NRK: variants seen among roughly 807,000 people sequenced by gnomAD.
The protein encoded by NRK is nik-related protein kinase.
A neutral mutation model predicts 125.2 loss-of-function variants in NRK; 67 were observed. The observed-to-expected ratio is 0.54, with a 90% CI of 0.44 to 0.66. NRK has a LOEUF of 0.66. Among genes scored for constraint, NRK ranks in the 30% least tolerant of loss-of-function variants. The probability of loss-of-function intolerance (pLI) is 0.00; values close to 1 mark genes in which losing one functional copy is unlikely to be tolerated. For synonymous variants in NRK, 458 were observed against 429.0 expected, an observed-to-expected ratio of 1.07 and a Z score of -0.84; for missense variants, 1,224 against 1,192.9, an observed-to-expected ratio of 1.03 and a Z score of -0.38.
In NRK at chrX:105,844,035, G is replaced by GTGTC. The variant is rs1466435098; in HGVS notation, c.123+12919_123+12920insCTGT. Among the ~76,000 whole-genome samples the GTGTC allele has an allele frequency of 9.4e-4, 101 of 107,336 alleles. 2 individuals carry two copies. The highest frequency in any genetic ancestry group is 3.3e-3 in the African/African-American group (96 of 29,192). The allele number at this position is 107,336 out of a possible 115,157, so 93.2% of individuals were successfully genotyped here. ...TGTGTGTGTCTGTGTGTGTGTGTGT[G>GTGTC]TGTGTGTCTGTGTGTCTGTGTGTCT... On this transcript the variant is annotated intron_variant, in intron 2 of 28. Transcript: ENST00000243300.
At position 105,958,507 on chromosome X, in the gene NRK, A is replaced by G. The variant is rs1238017292; in HGVS notation, c.*2907A>G. On this transcript the variant is annotated 3_prime_UTR_variant, in exon 29 of 29. Transcript: ENST00000243300. ...TCCAAGAAATGTGCCTACTGAAATC[A>G]AATTAATTTGTATTCAATGTGTACT... is the stretch of plus-strand genomic sequence containing the variant. 8.9e-6 allele frequency: 1 copy of G among 112,296 alleles called. No individual in the cohort carries two copies. Among genetic ancestry groups the G allele is most frequent in the East Asian group, 2.8e-4 (1 of 3,582 alleles). 9.3% of individuals were successfully genotyped at this position (112,296 alleles called of 1,213,427 possible).
At chrX:105,838,031 A>C (rs2147648858) in intron 2 of NRK, among the ~76,000 whole-genome samples, 1 of 110,880 alleles carries the variant, frequency 9.0e-6, no homozygotes, top group Admixed American at 9.6e-5. Flanking sequence ...CAAATGTATT[A>C]GACTCTATAA....
chrX:105,841,151 A>C (rs1370162484), intron 2 of NRK, among the ~76,000 whole-genome samples: 1 of 111,362 alleles, frequency 9.0e-6, no homozygotes, highest in Non-Finnish European at 1.9e-5. Context: ...GGGTGGTGCC[A>C]AAATCGCACT....
rs188761647 is a variant in NRK at position 105,856,349 on chromosome X, C to A, written c.124-23850C>A. The stretch of plus-strand genomic sequence containing the variant: ...GCTCCTTGAATGTCATGAAAAATCT[C>A]ATTTTAGTTTATTATGTCATAGGGT... On this transcript the variant is annotated intron_variant, in intron 2 of 28. Coordinates refer to ENST00000243300, the MANE Select transcript of NRK (RefSeq NM_198465.4). 7.8e-3 allele frequency among the ~76,000 whole-genome samples: 876 copies of A among 111,864 alleles called. 9 individuals are homozygous for A. Among genetic ancestry groups the A allele is most frequent in the Non-Finnish European group, 0.012 (610 of 53,005 alleles).
rs922363175 is a variant in NRK, at chrX:105,906,009, C to A, written c.846-405C>A. Among the ~76,000 whole-genome samples, 4 of 111,827 alleles carry A rather than the reference C, an allele frequency of 3.6e-5. No homozygotes were observed. In the South Asian group the frequency reaches 1.5e-3, roughly 42 times the overall value. On this transcript the variant is annotated intron_variant, in intron 10 of 28. Transcript: ENST00000243300. ...CATCCTATTTTTGGATCATTATATT[C>A]ATTCCTCTGTAGTTAAAACTGCATA...
At chrX:105,903,166 T>C (rs1346137978) in intron 9 of NRK, among the ~76,000 whole-genome samples, 2 of 111,588 alleles carry the variant, frequency 1.8e-5, no homozygotes, top group South Asian at 3.9e-4. Flanking sequence ...GGATCAATAG[T>C]TAAGCCTGAC....
chrX:105,951,504 T>C (rs1602708958), intron 27 of NRK, among the ~76,000 whole-genome samples: 1 of 112,274 alleles, frequency 8.9e-6, no homozygotes, highest in Admixed American at 9.5e-5. Flanking sequence ...CTAAAGACTG[T>C]CATATAACAC....
intron 1 of NRK, among the ~76,000 whole-genome samples, chrX:105,826,303 A>AT (rs1247469192): frequency 4.6e-5 from 4 of 87,902 alleles, no homozygotes; most frequent in East Asian, 6.6e-4. Context: ...TCATATATAT[A>AT]ATAGATAATA....
intron 2 of NRK, among the ~76,000 whole-genome samples, chrX:105,859,351 A>G (rs2039572522): frequency 8.9e-6 from 1 of 111,863 alleles, no homozygotes; most frequent in Non-Finnish European, 1.9e-5. Flanking sequence ...TGAAAGAGAA[A>G]TAATAAGAGC....
At chrX:105,852,026 C>T (rs1422328119) in intron 2 of NRK, among the ~76,000 whole-genome samples, 1 of 111,928 alleles carries the variant, frequency 8.9e-6, no homozygotes, top group Non-Finnish European at 1.9e-5. Context: ...AGCAACTGTT[C>T]GAGTTTATTT....
chrX:105,909,734 G>C lies in NRK; in HGVS notation c.2093G>C (p.Arg698Thr). Residue 698 changes from arginine to threonine, a missense_variant, in exon 13 of 29, where the codon AGA becomes ACA. Coordinates refer to ENST00000243300, the MANE Select transcript of NRK (RefSeq NM_198465.4). ...VSTLRQALAK[R>T]LSPKRFRAKS... ...ACTCTGAGGCAAGCACTGGCAAAAAGACTATCACCAAAGAGGTTCAGGGCA... is the reference window on the plus strand; with the variant it reads ...ACTCTGAGGCAAGCACTGGCAAAAACACTATCACCAAAGAGGTTCAGGGCA... 1 of 1,183,550 alleles carries C rather than the reference G, an allele frequency of 8.4e-7. No individual in the cohort carries two copies. The highest frequency in any genetic ancestry group is 1.1e-6 in the Non-Finnish European group (1 of 880,804).
Position 105,915,734 on chromosome X carries a change from A to G in NRK, c.2354A>G (p.Gln785Arg). 8.8e-7 allele frequency: 1 copy of G among 1,130,054 alleles called. No individual in the cohort carries two copies. Among genetic ancestry groups the G allele is most frequent in the Non-Finnish European group, 1.2e-6 (1 of 824,113 alleles). 93.1% of individuals were successfully genotyped at this position (1,130,054 alleles called of 1,213,427 possible). Residue 785 changes from glutamine (Q) to arginine (R), a missense_variant, in exon 15 of 29, where the codon CAA becomes CGA. Gln to Arg is a conservative substitution (Grantham distance 43). Coordinates refer to ENST00000243300, the MANE Select transcript of NRK (RefSeq NM_198465.4). The part of the protein sequence containing the change: ...YISNPKKIEV[Q>R]ERSPSVPNNQ... Reference sequence around the variant, plus strand: ...GTATTGCATTGTGTCTTTAAGGTTCAAGAGAGATCTCCTTCTGTGCCTAAC... The same window carrying G: ...GTATTGCATTGTGTCTTTAAGGTTCGAGAGAGATCTCCTTCTGTGCCTAAC...
chrX:105,953,058 C>T lies in NRK; in HGVS notation c.4538C>T (p.Thr1513Ile), dbSNP rs2040921750. Residue 1513 changes from threonine (T) to isoleucine (I), a missense_variant, in exon 28 of 29, where the codon ACA (threonine) becomes ATA (isoleucine). Transcript: ENST00000243300. ...SIAFECTQRT[T>I]GWGQKAIEVR... ...GCTTTTGAATGTACACAGCGAACCACAGGATGGGGCCAAAAGGCCATTGAA... is the reference window on the plus strand; with the variant it reads ...GCTTTTGAATGTACACAGCGAACCATAGGATGGGGCCAAAAGGCCATTGAA... The T allele has an allele frequency of 8.4e-7, 1 of 1,187,302 alleles. No individual in the cohort carries two copies. Among genetic ancestry groups the T allele is most frequent in the African/African-American group, 1.8e-5 (1 of 56,862 alleles).
At chrX:105,830,052 G>A (rs930934690) in intron 1 of NRK, among the ~76,000 whole-genome samples, 1 of 109,449 alleles carries the variant, frequency 9.1e-6, no homozygotes, top group Non-Finnish European at 1.9e-5. Flanking sequence ...TCACTCAAAA[G>A]AATAACATCG....
intron 15 of NRK, 86 bp downstream of exon 15, chrX:105,915,883 G>A (rs1602668575): frequency 4.0e-6 from 2 of 500,444 alleles, no homozygotes; most frequent in East Asian, 7.7e-5. Context: ...TACACTTTGT[G>A]AAGTCAACTA....
chrX:105,863,007 G>A (rs1191179496), intron 2 of NRK, among the ~76,000 whole-genome samples: 1 of 111,869 alleles, frequency 8.9e-6, no homozygotes, highest in East Asian at 2.8e-4. Flanking sequence ...TTCTAGACAG[G>A]CCTGAGAGAA....
At position 105,953,071 on chromosome X, in the gene NRK, A is replaced by G. The variant is rs757874416; in HGVS notation, c.4551A>G (p.Gln1517=). 68 of 1,191,362 alleles carry G rather than the reference A, an allele frequency of 5.7e-5. No individual in the cohort carries two copies. Among genetic ancestry groups the G allele is most frequent in the Non-Finnish European group, 4.9e-5 (43 of 882,216 alleles). The change falls in exon 28 of 29, where the codon CAA becomes CAG. Residue 1517 remains glutamine, a synonymous_variant. Coordinates refer to ENST00000243300, the MANE Select transcript of NRK (RefSeq NM_198465.4). ...CACAGCGAACCACAGGATGGGGCCAAAAGGCCATTGAAGTGCGCTCTTTGC... is the reference window on the plus strand; with the variant it reads ...CACAGCGAACCACAGGATGGGGCCAGAAGGCCATTGAAGTGCGCTCTTTGC... ...ECTQRTTGWG[Q]KAIEVRSLQS...
At position 105,895,640 on chromosome X, in the gene NRK, T is replaced by G. The variant is rs1198711898; in HGVS notation, c.580+117T>G. 1.4e-5 allele frequency: 7 copies of G among 501,373 alleles called. No individual in the cohort carries two copies. In the Admixed American group the frequency reaches 2.3e-4, roughly 16 times the overall value. The allele number at this position is 501,373 out of a possible 1,213,427, so 41.3% of individuals were successfully genotyped here. ...ATATCCTCTACTTATTTGAGCTGGG[T>G]TTTCCCTGCCTGCAAAACCAGTCAA... On this transcript the variant is annotated intron_variant, in intron 7 of 28. Transcript: ENST00000243300.
In NRK at chrX:105,955,495, CT is replaced by C; in HGVS notation, c.4654-5del. ...ATATCTGTTGACAGTGTATTTCTTT[CT>C]TTTTCAAGCTGTTCTTTACCTCTAC... On this transcript the variant is annotated splice_polypyrimidine_tract_variant and intron_variant, in intron 28 of 28. Transcript: ENST00000243300. The C allele has an allele frequency of 9.0e-7, 1 of 1,116,450 alleles. No individual in the cohort carries two copies. The highest frequency in any genetic ancestry group is 1.2e-6 in the Non-Finnish European group (1 of 821,513). 92.0% of individuals were successfully genotyped at this position (1,116,450 alleles called of 1,213,427 possible).
Sources: allele counts gnomAD v4.1 joint callset (sites outside exome capture counted in the v4.1 genomes callset), GRCh38; gene constraint gnomAD v4.1.1; transcripts MANE v1.5; gene names NCBI Gene and HGNC (gene_info 2026-07-23, HGNC 2026-07-21).